BRINP3: variants seen among roughly 807,000 people sequenced by gnomAD.
BRINP3 encodes the protein BMP/retinoic acid-inducible neural-specific protein 3.
In BRINP3, 19 loss-of-function variants were observed where a neutral mutation model predicts 71.0. The observed-to-expected ratio is 0.27, with a 90% CI of 0.19 to 0.39. BRINP3 has a LOEUF of 0.39. Ranked by LOEUF, BRINP3 falls within the 10% of genes least tolerant of loss-of-function variation. BRINP3 has a pLI of 1.00. For synonymous variants in BRINP3, 380 were observed against 337.7 expected (o/e 1.13, Z -1.37); for missense variants, 959 against 940.8 (o/e 1.02, Z -0.25).
At chr1:190,154,766 T>C (rs1434307638) in intron 7 of BRINP3, among the ~76,000 whole-genome samples, 1 of 152,150 alleles carries the variant, frequency 6.6e-6, no homozygotes, top group Non-Finnish European at 1.5e-5. Flanking sequence ...TAATAGTTGA[T>C]TTGAGGAAAA....
chr1:190,181,610 G>A (rs1186476828), intron 6 of BRINP3, among the ~76,000 whole-genome samples: 1 of 151,816 alleles, frequency 6.6e-6, no homozygotes, highest in Non-Finnish European at 1.5e-5. Flanking sequence ...TTATCATGGT[G>A]GACTAGTGTA....
chr1:190,196,647 T>C (rs1220670058), intron 6 of BRINP3, among the ~76,000 whole-genome samples: 1 of 152,106 alleles, frequency 6.6e-6, no homozygotes, highest in East Asian at 1.9e-4. Context: ...GTTGGCCACA[T>C]TAACTGATAG....
chr1:190,215,936 T>C (rs1242080153), intron 6 of BRINP3, among the ~76,000 whole-genome samples: 1 of 151,774 alleles, frequency 6.6e-6, no homozygotes, highest in Non-Finnish European at 1.5e-5. Context: ...TAGACCAATC[T>C]CTTTATTTTT....
chr1:190,165,842 G>C (rs1651485372), intron 6 of BRINP3, among the ~76,000 whole-genome samples: 1 of 152,118 alleles, frequency 6.6e-6, no homozygotes, highest in Non-Finnish European at 1.5e-5. Context: ...AGTTGAGACA[G>C]AGAAATTCCA....
At chr1:190,374,912 G>C (rs1670091582) in intron 2 of BRINP3, among the ~76,000 whole-genome samples, 1 of 151,974 alleles carries the variant, frequency 6.6e-6, no homozygotes, top group East Asian at 1.9e-4. Flanking sequence ...TGGAAACAAG[G>C]TCAACAAGGG....
chr1:190,301,213 A>ATATACACACATACATC, intron 2 of BRINP3, among the ~76,000 whole-genome samples: 1 of 65,310 alleles, frequency 1.5e-5, no homozygotes, highest in Non-Finnish European at 3.6e-5. Context: ...ACATATATAT[A>ATATACACACATACATC]TATATATATA....
intron 2 of BRINP3, among the ~76,000 whole-genome samples, chr1:190,351,621 C>G (rs1215927468): frequency 6.6e-6 from 1 of 152,012 alleles, no homozygotes; most frequent in South Asian, 2.1e-4. Flanking sequence ...AATGGTCATT[C>G]CAGGCTTTTC....
intron 6 of BRINP3, among the ~76,000 whole-genome samples, chr1:190,219,965 T>G (rs1041875913): frequency 6.7e-6 from 1 of 149,414 alleles, no homozygotes; most frequent in Non-Finnish European, 1.5e-5. Context: ...ATACAGAAAA[T>G]TACCTCAAAA....
chr1:190,174,750 T>TA (rs1274689287), intron 6 of BRINP3, among the ~76,000 whole-genome samples: 1 of 151,490 alleles, frequency 6.6e-6, no homozygotes. Flanking sequence ...CCACCTAACA[T>TA]AATAAAGAGA....
intron 4 of BRINP3, among the ~76,000 whole-genome samples, chr1:190,239,967 A>C (rs1658896847): frequency 6.6e-6 from 1 of 151,756 alleles, no homozygotes; most frequent in Non-Finnish European, 1.5e-5. Flanking sequence ...ATCTATTTTA[A>C]ATCATCTTAG....
chr1:190,300,705 C>A (rs1004030526), intron 2 of BRINP3, among the ~76,000 whole-genome samples: 3 of 152,056 alleles, frequency 2.0e-5, no homozygotes, highest in Non-Finnish European at 4.4e-5. Context: ...AACAGACCTG[C>A]AGCTGAGGGT....
intron 2 of BRINP3, among the ~76,000 whole-genome samples, chr1:190,345,519 A>AT (rs1200575084): frequency 1.3e-5 from 2 of 151,528 alleles, no homozygotes; most frequent in African/African-American, 4.8e-5. Flanking sequence ...ATATATATCT[A>AT]TTTCATCATA....
At chr1:190,472,728 A>G (rs192871540) in intron 1 of BRINP3, among the ~76,000 whole-genome samples, 2 of 151,790 alleles carry the variant, frequency 1.3e-5, no homozygotes, top group Admixed American at 1.3e-4. Context: ...TGTGGAGAGA[A>G]ACCCACAAAT....
chr1:190,393,707 T>A (rs1210277638), intron 2 of BRINP3, among the ~76,000 whole-genome samples: 1 of 151,526 alleles, frequency 6.6e-6, no homozygotes. Flanking sequence ...TACATATAGC[T>A]CTCATCTCAG....
chr1:190,431,469 G>A (rs1232830477), intron 2 of BRINP3, among the ~76,000 whole-genome samples: 1 of 152,028 alleles, frequency 6.6e-6, no homozygotes, highest in Non-Finnish European at 1.5e-5. Context: ...CTGTTCTCCT[G>A]CCTCATCCTC....
chr1:190,297,616 T>C (rs574059017), intron 2 of BRINP3, among the ~76,000 whole-genome samples: 7 of 152,298 alleles, frequency 4.6e-5, no homozygotes, highest in Admixed American at 3.3e-4. Flanking sequence ...AAATGCCTTT[T>C]TTCTGGAAGA....
At chr1:190,176,455 G>A (rs192298936) in intron 6 of BRINP3, among the ~76,000 whole-genome samples, 6 of 152,256 alleles carry the variant, frequency 3.9e-5, no homozygotes, top group African/African-American at 1.4e-4. Context: ...TGGGAGATAC[G>A]AAGTCACTAT....
intron 4 of BRINP3, among the ~76,000 whole-genome samples, chr1:190,262,080 G>A (rs1661231062): frequency 6.6e-6 from 1 of 152,090 alleles, no homozygotes. Context: ...AAAAATAAAA[G>A]ATACTCTCCA....
intron 2 of BRINP3, among the ~76,000 whole-genome samples, chr1:190,409,994 T>C (rs1672558851): frequency 6.6e-6 from 1 of 152,162 alleles, no homozygotes; most frequent in Non-Finnish European, 1.5e-5. Flanking sequence ...CTCTCTTTTT[T>C]TATTTCTTTT....
Sources: allele counts gnomAD v4.1 joint callset (sites outside exome capture counted in the v4.1 genomes callset), GRCh38; gene constraint gnomAD v4.1.1; transcripts MANE v1.5; gene names NCBI Gene and HGNC (gene_info 2026-07-23, HGNC 2026-07-21).